PRKN: variants seen among roughly 807,000 people sequenced by gnomAD.
PRKN encodes E3 ubiquitin-protein ligase parkin.
A neutral mutation model predicts 59.5 loss-of-function variants in PRKN; 56 were observed. The observed-to-expected ratio is 0.94, with a 90% CI of 0.76 to 1.18. PRKN has a LOEUF of 1.18. PRKN is among the 50% of genes most tolerant of loss of function. The probability of loss-of-function intolerance (pLI) is 0.00; values close to 1 mark genes in which losing one functional copy is unlikely to be tolerated. For missense variants in PRKN, 657 were observed against 596.4 expected (o/e 1.10, Z -1.06); for synonymous variants, 250 against 222.1 (o/e 1.13, Z -1.12).
chr6:162,091,832 T>C (rs1779508495), intron 4 of PRKN, among the ~76,000 whole-genome samples: 1 of 151,844 alleles, frequency 6.6e-6, no homozygotes, highest in Non-Finnish European at 1.5e-5. Context: ...GGCCCAGGAA[T>C]TCAAAACTAG....
intron 4 of PRKN, among the ~76,000 whole-genome samples, chr6:162,190,977 C>A (rs1006002523): frequency 6.6e-6 from 1 of 151,912 alleles, no homozygotes; most frequent in Non-Finnish European, 1.5e-5. Flanking sequence ...CAGGAAGGTA[C>A]ATCTATGTGT....
chr6:161,510,302 A>G, intron 9 of PRKN, among the ~76,000 whole-genome samples: 1 of 152,032 alleles, frequency 6.6e-6, no homozygotes, highest in East Asian at 1.9e-4. Context: ...GTGCGGTATC[A>G]TGAAGCGTGA....
At position 161,458,170 on chromosome 6, in the gene PRKN, C is replaced by A. The variant is rs1790054736; in HGVS notation, c.1084-71293G>T. 6.6e-6 allele frequency among the ~76,000 whole-genome samples: 1 copy of A among 152,210 alleles called. No homozygotes were observed. The highest frequency in any genetic ancestry group is 2.4e-5 in the African/African-American group (1 of 41,456). ...CCTTTAAGAAAACCTTTGGGTTTGA[C>A]AGAACATAAATAAATCTTAGTGCAG... On this transcript the variant is annotated intron_variant, in intron 9 of 11. Transcript: ENST00000366898. This position sits in a 1 kb window ranked among gnomAD's most constrained non-coding sequence, Gnocchi z 6.1.
At chr6:162,712,055 G>C (rs1412461249) in intron 1 of PRKN, among the ~76,000 whole-genome samples, 2 of 152,194 alleles carry the variant, frequency 1.3e-5, no homozygotes, top group African/African-American at 4.8e-5. Flanking sequence ...CTAATTAAAT[G>C]CTGGTATGAG....
At chr6:161,780,983 G>T (rs566970460) in intron 7 of PRKN, among the ~76,000 whole-genome samples, 1 of 152,116 alleles carries the variant, frequency 6.6e-6, no homozygotes, top group Non-Finnish European at 1.5e-5. Context: ...GTGACAAACC[G>T]AACTATATTT....
At chr6:161,806,615 C>T (rs993167931) in intron 6 of PRKN, among the ~76,000 whole-genome samples, 3 of 152,112 alleles carry the variant, frequency 2.0e-5, no homozygotes, top group African/African-American at 2.4e-5. Flanking sequence ...TCTGGAGGAG[C>T]GAGCAGGCTC....
chr6:161,982,038 C>G (rs1438024540), intron 5 of PRKN, among the ~76,000 whole-genome samples: 1 of 152,176 alleles, frequency 6.6e-6, no homozygotes, highest in Non-Finnish European at 1.5e-5. Flanking sequence ...TAACTTAAAA[C>G]AAAAGTTGGC....
At chr6:161,906,677 T>TATATATATATATATATATAG (rs1778160243) in intron 6 of PRKN, among the ~76,000 whole-genome samples, 1 of 117,766 alleles carries the variant, frequency 8.5e-6, no homozygotes. Flanking sequence ...TATATATATG[T>TATATATATATATATATATAG]ATATATGAGT....
At chr6:162,667,659 T>C (rs927255616) in intron 1 of PRKN, among the ~76,000 whole-genome samples, 1 of 152,094 alleles carries the variant, frequency 6.6e-6, no homozygotes, top group Non-Finnish European at 1.5e-5. Context: ...TTGAGTTCCC[T>C]CTTTCTCACT....
chr6:162,525,474 T>C (rs2846509), intron 1 of PRKN, among the ~76,000 whole-genome samples: 51,776 of 152,048 alleles, frequency 0.34, 10,121 homozygotes, highest in Non-Finnish European at 0.45. Context: ...TTGATCCAAA[T>C]CCCACCTGCC....
chr6:161,886,680 A>G (rs1392898501), intron 6 of PRKN, among the ~76,000 whole-genome samples: 1 of 151,914 alleles, frequency 6.6e-6, no homozygotes, highest in Admixed American at 6.6e-5. Flanking sequence ...CTGGGCAACA[A>G]GAGCGAAACT....
intron 7 of PRKN, among the ~76,000 whole-genome samples, chr6:161,707,815 C>CT (rs914312087): frequency 1.3e-5 from 2 of 152,242 alleles, no homozygotes; most frequent in Non-Finnish European, 2.9e-5. Flanking sequence ...CTGCCTGCTG[C>CT]TTTTTTTATC....
intron 1 of PRKN, among the ~76,000 whole-genome samples, chr6:162,671,414 G>A (rs1056255330): frequency 7.3e-5 from 11 of 151,662 alleles, no homozygotes; most frequent in Non-Finnish European, 1.5e-4. Context: ...CAGAAGAATG[G>A]CTTGAACCCG....
rs1029350805 is a variant in PRKN at position 161,487,568 on chromosome 6, C to T, written c.1083+61286G>A. On this transcript the variant is annotated intron_variant, in intron 9 of 11. Transcript: ENST00000366898. The surrounding 1 kb of genome is among the most constrained non-coding windows in gnomAD (Gnocchi z 5.3). ...ACCATCTTATTCACATTTTGATGGT[C>T]GCTTAGGTAAACTAAGATCTATTTT... 1.3e-5 allele frequency among the ~76,000 whole-genome samples: 2 copies of T among 152,132 alleles called. No homozygotes were observed. The highest frequency in any genetic ancestry group is 2.1e-4 in the South Asian group (1 of 4,818).
chr6:161,796,205 C>T (rs73601057), intron 6 of PRKN, among the ~76,000 whole-genome samples: 1,525 of 152,172 alleles, frequency 0.01, 18 homozygotes, highest in African/African-American at 0.035. Flanking sequence ...TACCCATTTG[C>T]CTTTAGTCTA....
Position 161,395,942 on chromosome 6 carries a change from G to A in PRKN, c.1084-9065C>T, listed in dbSNP as rs1319318813. 6.6e-6 allele frequency among the ~76,000 whole-genome samples: 1 copy of A among 152,178 alleles called. No individual in the cohort carries two copies. On this transcript the variant is annotated intron_variant, in intron 9 of 11. Transcript: ENST00000366898. The surrounding 1 kb of genome is among the most constrained non-coding windows in gnomAD (Gnocchi z 5.0). ...AAACACAGACAGCCAACAAATTAGA[G>A]GTCCAGGTTAGAGAGAAAGAAACAG...
chr6:162,332,055 C>T (rs1282697517), intron 2 of PRKN, among the ~76,000 whole-genome samples: 1 of 152,174 alleles, frequency 6.6e-6, no homozygotes, highest in Non-Finnish European at 1.5e-5. Context: ...TTCCCAAGAA[C>T]TCTGCCATCT....
chr6:162,322,941 A>T (rs1783093324), intron 2 of PRKN, among the ~76,000 whole-genome samples: 1 of 151,840 alleles, frequency 6.6e-6, no homozygotes, highest in Non-Finnish European at 1.5e-5. Context: ...TGAAATTGGA[A>T]ATCATCATTC....
intron 1 of PRKN, among the ~76,000 whole-genome samples, chr6:162,599,599 G>C (rs1781621711): frequency 1.3e-5 from 2 of 152,172 alleles, no homozygotes; most frequent in Non-Finnish European, 2.9e-5. Context: ...TGTCAAGGCA[G>C]GCTGCGTGGG....
Sources: gnomAD v4.1 joint callset for allele counts (sites outside exome capture counted in the v4.1 genomes callset) on GRCh38, gnomAD v4.1.1 for gene constraint, Gnocchi (gnomAD v3.1) non-coding constraint, MANE v1.5 for transcripts, NCBI Gene and HGNC (gene_info 2026-07-23, HGNC 2026-07-21) for gene names.